Variants in B3GALNT2 observed in about 807,000 individuals in gnomAD.
B3GALNT2 encodes beta-1,3-N-acetylgalactosaminyltransferase 2.
B3GALNT2 carries 53 observed loss-of-function variants against 61.1 expected under a neutral mutation model. The ratio of observed to expected loss-of-function variants is 0.87; its 90% CI spans 0.70 to 1.09. The LOEUF (loss-of-function observed/expected upper bound fraction) is 1.09, where lower values mean the gene tolerates loss of function less well. B3GALNT2 is among the 50% of genes least tolerant of loss of function. The pLI, the probability that B3GALNT2 is intolerant of heterozygous loss-of-function variation, is 0.00. For synonymous variants in B3GALNT2, 223 were observed against 237.4 expected (o/e 0.94, Z 0.56); for missense variants, 544 against 623.0 (o/e 0.87, Z 1.35).
intron 5 of B3GALNT2, 150 bp from the exon 6 acceptor site, chr1:235,471,110 C>T (rs1321216862): frequency 1.1e-5 from 15 of 1,406,908 alleles, no homozygotes; most frequent in Admixed American, 5.5e-5. Flanking sequence ...CCACTGTTAG[C>T]GTTTGGTGTG....
At chr1:235,463,648 C>T (rs1185181567) in intron 7 of B3GALNT2, 1 of 148,250 alleles carries the variant, frequency 6.7e-6, no homozygotes, top group Non-Finnish European at 1.5e-5. Context: ...CTCAATGCAA[C>T]CTCTGCCTCC....
intron 5 of B3GALNT2, among the ~76,000 whole-genome samples, chr1:235,473,915 G>C (rs1236346829): frequency 6.6e-6 from 1 of 152,082 alleles, no homozygotes; most frequent in African/African-American, 2.4e-5. Context: ...TTTCACAGTG[G>C]GTCCTTCCTG....
At position 235,489,286 on chromosome 1, in the gene B3GALNT2, A is replaced by G; in HGVS notation, c.261-18T>C. 1 of 1,612,028 alleles carries G rather than the reference A, an allele frequency of 6.2e-7. No homozygotes were observed. ...CAAGCACACTGAGAGATGTGTTGGC[A>G]TTAACATCAGTTACTGATCTTCACC... On this transcript the variant is annotated intron_variant, in intron 2 of 11. Coordinates refer to ENST00000366600, the MANE Select transcript of B3GALNT2 (RefSeq NM_152490.5).
downstream of B3GALNT2, chr1:235,442,913 T>G: frequency 6.2e-7 from 1 of 1,614,068 alleles, no homozygotes. Context: ...AACTGCCGGG[T>G]AAGAAGAACC....
At position 235,504,146 on chromosome 1, in the gene B3GALNT2, G is replaced by C. The variant is rs1553356108; in HGVS notation, c.107C>G (p.Pro36Arg). The C allele has an allele frequency of 5.5e-6, 7 of 1,269,928 alleles. No individual in the cohort carries two copies. In the South Asian group the frequency reaches 1.8e-4, roughly 33 times the overall value. 78.7% of individuals were successfully genotyped at this position (1,269,928 alleles called of 1,614,324 possible). The change falls in exon 1 of 12, where the codon CCT becomes CGT. Residue 36 changes from proline to arginine, a missense_variant. Physicochemically the swap from Pro to Arg is moderately radical, Grantham distance 103. Coordinates refer to ENST00000366600, the MANE Select transcript of B3GALNT2 (RefSeq NM_152490.5). The stretch of plus-strand genomic sequence containing the variant: ...GCCCGGCCCCAGGACCTCACCTGCA[G>C]GGCCGGCCCCGGAGGCGCAGGCGGG... ...PPPACASGAGPADQLALFPQW... is the reference protein window; with the variant it reads ...PPPACASGAGRADQLALFPQW...
intron 1 of B3GALNT2, among the ~76,000 whole-genome samples, chr1:235,499,828 C>T (rs966921795): frequency 2.6e-5 from 4 of 152,210 alleles, no homozygotes; most frequent in Admixed American, 6.5e-5. Flanking sequence ...TTCTTTCCTA[C>T]TGGGTATGGG....
At chr1:235,501,726 A>C (rs1329747658) in intron 1 of B3GALNT2, among the ~76,000 whole-genome samples, 2 of 152,234 alleles carry the variant, frequency 1.3e-5, no homozygotes, top group Non-Finnish European at 2.9e-5. Flanking sequence ...CCATTACTTA[A>C]TGAGACTGAA....
At chr1:235,440,182 G>A in the B3GALNT2 span, among the ~76,000 whole-genome samples, 3 of 152,238 alleles carry the variant, frequency 2.0e-5, no homozygotes, top group East Asian at 5.8e-4. Flanking sequence ...GTGTTAGCCA[G>A]GATGGTCTCG....
chr1:235,482,057 A>T (rs1414132925), intron 4 of B3GALNT2, among the ~76,000 whole-genome samples: 2 of 152,236 alleles, frequency 1.3e-5, no homozygotes. Context: ...ATACAAACAC[A>T]TTTTAAAAAA....
chr1:235,500,834 T>C (rs1255365289), intron 1 of B3GALNT2, among the ~76,000 whole-genome samples: 1 of 152,170 alleles, frequency 6.6e-6, no homozygotes, highest in Non-Finnish European at 1.5e-5. Flanking sequence ...GTCTATGAGA[T>C]CATCATCTTA....
rs187896174 is a variant in B3GALNT2 at position 235,447,972 on chromosome 1, G to A, written c.*2234C>T. Among the ~76,000 whole-genome samples the A allele has an allele frequency of 1.1e-3, 174 of 152,058 alleles. No homozygotes were observed. The highest frequency in any genetic ancestry group is 9.3e-3 in the East Asian group (48 of 5,174). On this transcript the variant is annotated 3_prime_UTR_variant, in exon 12 of 12. Transcript: ENST00000366600. ...ATGCTTGTAATCCCAGCACTTTGGG[G>A]GGCCAGGGCGGGCGGATCACGAGGT... is the stretch of plus-strand genomic sequence containing the variant.
intron 2 of B3GALNT2, among the ~76,000 whole-genome samples, chr1:235,490,520 T>C (rs886460817): frequency 6.6e-6 from 1 of 152,056 alleles, no homozygotes; most frequent in South Asian, 2.1e-4. Context: ...TGTGAGCCAC[T>C]GTGTCCGGAC....
intron 5 of B3GALNT2, among the ~76,000 whole-genome samples, chr1:235,474,987 A>ATATTTTTTTTT (rs1180244284): frequency 2.8e-5 from 1 of 35,574 alleles, no homozygotes; most frequent in East Asian, 8.9e-4. Context: ...ATATATATAT[A>ATATTTTTTTTT]TTTTTTTTTT....
At position 235,448,349 on chromosome 1, in the gene B3GALNT2, G is replaced by T. The variant is rs1682604520; in HGVS notation, c.*1857C>A. 1 of 1,613,804 alleles carries T rather than the reference G, an allele frequency of 6.2e-7. No homozygotes were observed. ...ATGGACTTTTCTTGTCTTTTGATAG[G>T]CTCCATGACAATTCAAAAGGTGAAG... On this transcript the variant is annotated 3_prime_UTR_variant, in exon 12 of 12. Coordinates refer to ENST00000366600, the MANE Select transcript of B3GALNT2 (RefSeq NM_152490.5).
intron 3 of B3GALNT2, among the ~76,000 whole-genome samples, chr1:235,487,576 T>C (rs1172186802): frequency 6.6e-6 from 1 of 152,172 alleles, no homozygotes; most frequent in Non-Finnish European, 1.5e-5. Flanking sequence ...CTTATAAAAG[T>C]GAGGTGTTAC....
intron 7 of B3GALNT2, among the ~76,000 whole-genome samples, chr1:235,461,507 G>GTTTTTTTTTT (rs57611133): frequency 1.6e-5 from 1 of 63,352 alleles, no homozygotes; most frequent in Admixed American, 2.4e-4. Flanking sequence ...ATGACCTCCT[G>GTTTTTTTTTT]TTTTTTTTTT....
At chr1:235,462,808 T>C (rs1356956635) in intron 7 of B3GALNT2, among the ~76,000 whole-genome samples, 2 of 152,204 alleles carry the variant, frequency 1.3e-5, no homozygotes, top group South Asian at 2.1e-4. Context: ...GAATGTGAAC[T>C]AGTACAACCA....
chr1:235,448,781 T>A lies in B3GALNT2; in HGVS notation c.*1425A>T. 6.5e-7 allele frequency: 1 copy of A among 1,529,160 alleles called. No individual in the cohort carries two copies. The highest frequency in any genetic ancestry group is 9.1e-7 in the Non-Finnish European group (1 of 1,103,326). 94.7% of individuals were successfully genotyped at this position (1,529,160 alleles called of 1,614,324 possible). Reference sequence around the variant, plus strand: ...ATGGTGACAACCAACTAATAAAATTTAAAGACCACACTGCTTATCGTGTCT... The same window carrying A: ...ATGGTGACAACCAACTAATAAAATTAAAAGACCACACTGCTTATCGTGTCT... On this transcript the variant is annotated 3_prime_UTR_variant, in exon 12 of 12. Transcript: ENST00000366600.
At chr1:235,446,079 G>A (rs1682251571), downstream of B3GALNT2, among the ~76,000 whole-genome samples, 2 of 152,190 alleles carry the variant, frequency 1.3e-5, no homozygotes, top group Admixed American at 6.5e-5. Context: ...ACTGGGCAGT[G>A]TATGGCTAGA....
Sources: gnomAD v4.1 joint callset for allele counts (sites outside exome capture counted in the v4.1 genomes callset) on GRCh38, gnomAD v4.1.1 for gene constraint, MANE v1.5 for transcripts, NCBI Gene and HGNC (gene_info 2026-07-23, HGNC 2026-07-21) for gene names.